TMC1: variants seen among roughly 807,000 people sequenced by gnomAD.
TMC1 encodes transmembrane channel like 1, also known as transmembrane channel-like protein 1.
TMC1 carries 84 observed loss-of-function variants against 105.8 expected under a neutral mutation model. That is an observed-to-expected ratio of 0.79 (90% confidence interval 0.67 to 0.95). The LOEUF (loss-of-function observed/expected upper bound fraction) is 0.95. Among genes scored for constraint, TMC1 ranks in the 40% least tolerant of loss-of-function variants. TMC1 has a pLI of 0.00. For synonymous variants in TMC1, 315 were observed against 311.5 expected (o/e 1.01, Z -0.12); for missense variants, 817 against 914.1 (o/e 0.89, Z 1.37).
chr9:72,800,609 C>T (rs1828453114), intron 17 of TMC1, among the ~76,000 whole-genome samples: 2 of 151,408 alleles, frequency 1.3e-5, no homozygotes, highest in African/African-American at 4.8e-5. Flanking sequence ...TTAGTTAATC[C>T]TCCACCTTGG....
At chr9:72,791,211 C>T (rs974315477) in intron 15 of TMC1, among the ~76,000 whole-genome samples, 1 of 151,942 alleles carries the variant, frequency 6.6e-6, no homozygotes, top group South Asian at 2.1e-4. Flanking sequence ...CCCCTCTCCC[C>T]ACCCCTGCAT....
chr9:72,613,132 ATTTTT>A (rs10552822), intron 2 of TMC1, among the ~76,000 whole-genome samples: 3 of 137,976 alleles, frequency 2.2e-5, no homozygotes, highest in Non-Finnish European at 1.6e-5. Flanking sequence ...CAGAAATGTG[ATTTTT>A]TTTTTTTTTT....
At chr9:72,791,803 TC>T in intron 15 of TMC1, 82 bp from the exon 16 acceptor site, 1 of 1,185,868 alleles carries the variant, frequency 8.4e-7, no homozygotes, top group Non-Finnish European at 1.3e-6. Context: ...GAAGCCTAGC[TC>T]AGAATCTTCC....
intron 1 of TMC1, among the ~76,000 whole-genome samples, chr9:72,574,599 C>T (rs996179439): frequency 4.6e-5 from 7 of 152,228 alleles, no homozygotes; most frequent in Admixed American, 6.5e-5. Flanking sequence ...TGTCAGAGGG[C>T]GATTGTAAAA....
At chr9:72,746,815 C>T (rs1414595427) in intron 10 of TMC1, among the ~76,000 whole-genome samples, 1 of 152,152 alleles carries the variant, frequency 6.6e-6, no homozygotes, top group East Asian at 1.9e-4. Context: ...GATACTGTGA[C>T]GTTATGCATC....
At chr9:72,544,478 CTTTT>C (rs71493656) in intron 1 of TMC1, among the ~76,000 whole-genome samples, 3 of 125,238 alleles carry the variant, frequency 2.4e-5, no homozygotes, top group East Asian at 2.3e-4. Context: ...GATTTTTTAA[CTTTT>C]TTTTTTTTTT....
At chr9:72,583,464 A>G (rs2132100514) in intron 2 of TMC1, among the ~76,000 whole-genome samples, 1 of 152,282 alleles carries the variant, frequency 6.6e-6, no homozygotes, top group African/African-American at 2.4e-5. Flanking sequence ...ATGATTCTTC[A>G]CTAGCAGTTC....
chr9:72,615,757 T>A (rs1335856914), intron 2 of TMC1, among the ~76,000 whole-genome samples: 3 of 151,814 alleles, frequency 2.0e-5, no homozygotes, highest in South Asian at 2.1e-4. Flanking sequence ...TTTCTTATTT[T>A]TTTTTTTTTT....
At chr9:72,643,132 TTTC>T (rs767009039) in intron 4 of TMC1, among the ~76,000 whole-genome samples, 5 of 152,002 alleles carry the variant, frequency 3.3e-5, no homozygotes, top group Non-Finnish European at 5.9e-5. Flanking sequence ...CCTTCCTTCC[TTTC>T]TTTTTTTCTT....
At chr9:72,650,345 TAAC>T (rs1825781344) in intron 5 of TMC1, among the ~76,000 whole-genome samples, 2 of 152,168 alleles carry the variant, frequency 1.3e-5, no homozygotes, top group Admixed American at 1.3e-4. Flanking sequence ...CACAGAATCA[TAAC>T]AATAGCTCCA....
intron 12 of TMC1, among the ~76,000 whole-genome samples, chr9:72,760,355 A>G (rs1224997048): frequency 6.6e-6 from 1 of 152,134 alleles, no homozygotes; most frequent in Non-Finnish European, 1.5e-5. Flanking sequence ...CTATCATGGC[A>G]CCATGGAGGA....
At chr9:72,667,495 G>A (rs541403219) in intron 5 of TMC1, among the ~76,000 whole-genome samples, 107 of 152,188 alleles carry the variant, frequency 7.0e-4, no homozygotes, top group African/African-American at 2.5e-3. Context: ...TGTCTTGTTG[G>A]TATATATACC....
At chr9:72,794,244 A>G (rs1328882145) in intron 17 of TMC1, among the ~76,000 whole-genome samples, 2 of 152,190 alleles carry the variant, frequency 1.3e-5, no homozygotes, top group Non-Finnish European at 2.9e-5. Context: ...ATGCCAAGGT[A>G]TCTTCCTCTG....
intron 5 of TMC1, among the ~76,000 whole-genome samples, chr9:72,678,829 A>C (rs548275490): frequency 6.6e-6 from 1 of 152,210 alleles, no homozygotes; most frequent in South Asian, 2.1e-4. Context: ...TTCATGTAAA[A>C]TATTTTACAG....
chr9:72,733,598 C>T (rs1827250054), intron 8 of TMC1, among the ~76,000 whole-genome samples: 1 of 152,080 alleles, frequency 6.6e-6, no homozygotes, highest in Admixed American at 6.6e-5. Context: ...TTCCAAGGCT[C>T]CCCGTGGATT....
chr9:72,807,527 T>C (rs1164662751), intron 18 of TMC1, among the ~76,000 whole-genome samples: 1 of 152,170 alleles, frequency 6.6e-6, no homozygotes, highest in East Asian at 1.9e-4. Context: ...AATGTTGAAC[T>C]CAGTAAATCT....
intron 5 of TMC1, among the ~76,000 whole-genome samples, chr9:72,678,455 C>G (rs1001995741): frequency 3.9e-5 from 6 of 152,116 alleles, no homozygotes; most frequent in African/African-American, 1.4e-4. Context: ...CTAGTTCTGC[C>G]ACTTTCTTAC....
intron 1 of TMC1, among the ~76,000 whole-genome samples, chr9:72,573,038 A>G (rs915913731): frequency 6.6e-6 from 1 of 152,246 alleles, no homozygotes; most frequent in Admixed American, 6.5e-5. Flanking sequence ...TGGTTATGAA[A>G]TGCTATCTCA....
At chr9:72,525,987 CAA>C (rs36080162) in intron 1 of TMC1, among the ~76,000 whole-genome samples, 1 of 137,410 alleles carries the variant, frequency 7.3e-6, no homozygotes, top group Non-Finnish European at 1.6e-5. Flanking sequence ...GACTCCGTCT[CAA>C]AAAAAAAAAA....
Sources: allele counts gnomAD v4.1 joint callset (sites outside exome capture counted in the v4.1 genomes callset), GRCh38; gene constraint gnomAD v4.1.1; transcripts MANE v1.5; gene names NCBI Gene and HGNC (gene_info 2026-07-23, HGNC 2026-07-21).